DST: variants seen among roughly 807,000 people sequenced by gnomAD.
DST encodes bullous pemphigoid antigen.
DST carries 253 observed loss-of-function variants against 875.2 expected under a neutral mutation model. That is an observed-to-expected ratio of 0.29 (90% CI 0.26 to 0.32). DST has a LOEUF of 0.32. DST is among the 10% of genes least tolerant of loss of function. The pLI, the probability that DST is intolerant of heterozygous loss-of-function variation, is 1.00. For synonymous variants in DST, 3,124 were observed against 3,197.1 expected, an observed-to-expected ratio of 0.98 and a Z score of 0.77; for missense variants, 8,287 against 9,111.6, an observed-to-expected ratio of 0.91 and a Z score of 3.68.
chr6:56,498,973 A>C (rs2096021204), intron 80 of DST, among the ~76,000 whole-genome samples: 1 of 152,182 alleles, frequency 6.6e-6, no homozygotes, highest in African/African-American at 2.4e-5. Flanking sequence ...TAACGCTTAA[A>C]TGCACTAAAA....
At chr6:56,498,744 AT>A (rs541762415) in intron 80 of DST, among the ~76,000 whole-genome samples, 2 of 152,292 alleles carry the variant, frequency 1.3e-5, no homozygotes, top group African/African-American at 4.8e-5. Flanking sequence ...ATTCCAGAAT[AT>A]TCCTTTATCT....
intron 2 of DST, among the ~76,000 whole-genome samples, chr6:56,939,175 G>A: frequency 6.6e-6 from 1 of 152,214 alleles, no homozygotes; most frequent in Non-Finnish European, 1.5e-5. Flanking sequence ...AGTCACTGTG[G>A]CAGAAGGACT....
intron 38 of DST, among the ~76,000 whole-genome samples, 190 bp downstream of exon 38, chr6:56,611,318 A>C (rs1460845695): frequency 6.6e-6 from 1 of 151,726 alleles, no homozygotes; most frequent in Non-Finnish European, 1.5e-5. Flanking sequence ...AGAATATTTC[A>C]AAGTTGTAAT....
chr6:56,745,455 C>G (rs1300156590), intron 4 of DST, among the ~76,000 whole-genome samples: 1 of 152,098 alleles, frequency 6.6e-6, no homozygotes, highest in Non-Finnish European at 1.5e-5. Context: ...ATTTATACTA[C>G]CTGGTAGTAC....
intron 50 of DST, among the ~76,000 whole-genome samples, chr6:56,577,835 A>T (rs1468877830): frequency 6.6e-6 from 1 of 152,200 alleles, no homozygotes; most frequent in Non-Finnish European, 1.5e-5. Context: ...TTGATAATCC[A>T]CTGCACATTT....
intron 15 of DST, among the ~76,000 whole-genome samples, chr6:56,643,357 CCAT>C (rs2098923623): frequency 6.6e-6 from 1 of 152,214 alleles, no homozygotes; most frequent in Admixed American, 6.5e-5. Flanking sequence ...ATTTTAACCA[CCAT>C]GTCATTTGTT....
intron 58 of DST, 96 bp downstream of exon 58, chr6:56,560,198 A>C: frequency 8.4e-7 from 1 of 1,196,718 alleles, no homozygotes; most frequent in Non-Finnish European, 1.1e-6. Context: ...ATCCAAAAAT[A>C]AGTGACTGTT....
chr6:56,671,243 C>T (rs116691516), intron 9 of DST, among the ~76,000 whole-genome samples: 1,899 of 152,242 alleles, frequency 0.012, 33 homozygotes, highest in African/African-American at 0.043. Context: ...GAAAATTCTA[C>T]GTTCTTCTTT....
At chr6:56,731,924 C>T (rs1589327800) in intron 5 of DST, among the ~76,000 whole-genome samples, 1 of 152,020 alleles carries the variant, frequency 6.6e-6, no homozygotes, top group East Asian at 1.9e-4. Flanking sequence ...GACATTGTTA[C>T]CCTATCTAGA....
chr6:56,509,726 G>A lies in DST; in HGVS notation c.18928C>T (p.Gln6310Ter). The A allele has an allele frequency of 1.9e-6, 3 of 1,613,716 alleles. No individual in the cohort carries two copies. Among genetic ancestry groups the A allele is most frequent in the Non-Finnish European group, 2.5e-6 (3 of 1,179,764 alleles). ...TGTTTAAGAGTTTCATACAACGGCT[G>A]TAGCTTTTCCATGTCTACTGACACA... ...KNVSVDMEKL[Q>*]PLYETLKQRG... Residue 6310 changes from glutamine (Q) to a stop codon, truncating the protein, a stop_gained, in exon 74 of 104, where the codon CAG (glutamine) becomes TAG (stop). Transcript: ENST00000680361. LOFTEE classifies it high-confidence loss of function.
At position 56,919,321 on chromosome 6, in the gene DST, GTACACTTA is replaced by G. The variant is rs575110805; in HGVS notation, c.217-18708_217-18701del. 2.3e-3 allele frequency among the ~76,000 whole-genome samples: 344 copies of G among 152,018 alleles called. 3 individuals are homozygous for G. Among genetic ancestry groups the G allele is most frequent in the Middle Eastern group, 0.014 (4 of 294 alleles). On this transcript the variant is annotated intron_variant, in intron 2 of 103. Transcript: ENST00000680361. Reference sequence around the variant, plus strand: ...TTCTATTTTTTTAAATCCTGTAAATGTACACTTATAATCCATCTGGAATTAATCATATG... The same window carrying G: ...TTCTATTTTTTTAAATCCTGTAAATGTAATCCATCTGGAATTAATCATATG...
At chr6:56,463,815 A>C in intron 100 of DST, 51 bp from the exon 101 acceptor site, 4 of 1,591,244 alleles carry the variant, frequency 2.5e-6, no homozygotes, top group Admixed American at 3.3e-5. Flanking sequence ...GGAAAAGAAG[A>C]GGCGCTCAAT....
chr6:56,592,612 G>A (rs2098298926), intron 48 of DST, among the ~76,000 whole-genome samples: 2 of 152,160 alleles, frequency 1.3e-5, no homozygotes, highest in South Asian at 2.1e-4. Flanking sequence ...CAAGAGCTGA[G>A]TCTTAACATA....
In DST at chr6:56,598,610, C is replaced by T. The variant is rs1448200325; in HGVS notation, c.11794G>A (p.Glu3932Lys). The T allele has an allele frequency of 6.2e-7, 1 of 1,612,356 alleles. No individual in the cohort carries two copies. The highest frequency in any genetic ancestry group is 8.5e-7 in the Non-Finnish European group (1 of 1,178,992). Residue 3932 changes from glutamate to lysine, a missense_variant, in exon 46 of 104, where the codon GAA becomes AAA. By Grantham distance (56) the Glu-to-Lys change is moderately conservative. Transcript: ENST00000680361. Reference sequence around the variant, plus strand: ...TTCTGTTCAATCAAAGCCTTATCTTCCTGTGACAGCTTTTCACCATTCTCT... The same window carrying T: ...TTCTGTTCAATCAAAGCCTTATCTTTCTGTGACAGCTTTTCACCATTCTCT... ...LKENGEKLSQEDKALIEQKLN... is the reference protein window; with the variant it reads ...LKENGEKLSQKDKALIEQKLN...
intron 4 of DST, among the ~76,000 whole-genome samples, chr6:56,741,582 G>A (rs949412726): frequency 2.6e-5 from 4 of 152,118 alleles, no homozygotes; most frequent in Non-Finnish European, 5.9e-5. Flanking sequence ...TTTAAGTCTG[G>A]GAAGACTTTG....
At chr6:56,791,413 A>G (rs1299389499) in intron 4 of DST, among the ~76,000 whole-genome samples, 1 of 152,212 alleles carries the variant, frequency 6.6e-6, no homozygotes, top group Non-Finnish European at 1.5e-5. Context: ...GGGATATAAA[A>G]GTGGGAGAAG....
At chr6:56,806,591 A>C (rs1459018567) in intron 4 of DST, among the ~76,000 whole-genome samples, 3 of 152,206 alleles carry the variant, frequency 2.0e-5, no homozygotes, top group Non-Finnish European at 4.4e-5. Flanking sequence ...TTCATCAGCC[A>C]TGCTGACCAT....
chr6:56,458,938 C>T lies in DST; in HGVS notation c.*67G>A, dbSNP rs576431308. On this transcript the variant is annotated 3_prime_UTR_variant, in exon 104 of 104. Coordinates refer to ENST00000680361, the MANE Select transcript of DST (RefSeq NM_001374736.1). ...CAATATTTCACAAGAATTTCTACACCATATTTTACATCGTTCAAACTTAAA... is the reference window on the plus strand; with the variant it reads ...CAATATTTCACAAGAATTTCTACACTATATTTTACATCGTTCAAACTTAAA... 15 of 1,436,904 alleles carry T rather than the reference C, an allele frequency of 1.0e-5. No individual in the cohort carries two copies. Among genetic ancestry groups the T allele is most frequent in the South Asian group, 3.6e-5 (2 of 56,278 alleles). The allele number at this position is 1,436,904 out of a possible 1,614,324, so 89.0% of individuals were successfully genotyped here. A position where few individuals can be genotyped will look rare whatever the true frequency, so the allele number is the denominator to read the frequency against.
intron 4 of DST, among the ~76,000 whole-genome samples, chr6:56,745,198 T>C (rs761489213): frequency 1.3e-5 from 2 of 152,230 alleles, no homozygotes; most frequent in South Asian, 4.1e-4. Context: ...GGTGAAAGTA[T>C]ACAAATGCTG....
Sources: gnomAD v4.1 joint callset for allele counts (sites outside exome capture counted in the v4.1 genomes callset) on GRCh38, gnomAD v4.1.1 for gene constraint, MANE v1.5 for transcripts, NCBI Gene and HGNC (gene_info 2026-07-23, HGNC 2026-07-21) for gene names.